Variants in GRM6 observed in about 807,000 individuals in gnomAD.
The protein encoded by GRM6 is glutamate metabotropic receptor 6, also known as metabotropic glutamate receptor 6.
In GRM6, 73 loss-of-function variants were observed where a neutral mutation model predicts 78.4. The ratio of observed to expected loss-of-function variants is 0.93; its 90% CI spans 0.77 to 1.13. GRM6 has a LOEUF of 1.13. GRM6 is among the 50% of genes most tolerant of loss of function. The pLI, the probability that GRM6 is intolerant of heterozygous loss-of-function variation, is 0.00. For missense variants in GRM6, 1,251 were observed against 1,256.4 expected (o/e 1.00, Z 0.07); for synonymous variants, 580 against 555.0 (o/e 1.05, Z -0.63).
rs1352067722 is a variant in GRM6, at chr5:178,986,553, G to A, written c.1701C>T (p.Asn567=). ...ACPGDMRPTP[N]HTGCRPTPVV... ...CAGGTGTGGGGCGGCAGCCCGTGTG[G>A]TTGGGCGTGGGCCTCATGTCCCCAG... is the stretch of plus-strand genomic sequence containing the variant. The change falls in exon 9 of 11, where the codon AAC becomes AAT. Residue 567 remains asparagine, a synonymous_variant. Transcript: ENST00000517717. 6.2e-7 allele frequency: 1 copy of A among 1,607,816 alleles called. No individual in the cohort carries two copies. The highest frequency in any genetic ancestry group is 2.2e-5 in the East Asian group (1 of 44,822).
At chr5:178,989,593 A>C (rs111521386) in intron 5 of GRM6, among the ~76,000 whole-genome samples, 188 bp from the exon 6 acceptor site, 10 of 151,378 alleles carry the variant, frequency 6.6e-5, no homozygotes, top group African/African-American at 9.7e-5. Flanking sequence ...GTGAGCTAGG[A>C]GTGGCCAGGT....
Position 178,981,491 on chromosome 5 carries a change from C to A in GRM6, c.*166G>T, listed in dbSNP as rs781681703. ...CTCACATGCTGGAATCGGGGTAGAGCTGGGTCCAGTTCCTTCTCAAGGCCA... is the reference window on the plus strand; with the variant it reads ...CTCACATGCTGGAATCGGGGTAGAGATGGGTCCAGTTCCTTCTCAAGGCCA... On this transcript the variant is annotated 3_prime_UTR_variant, in exon 11 of 11. Transcript: ENST00000517717. This position sits in a 1 kb window ranked among gnomAD's most constrained non-coding sequence, Gnocchi z 5.1. The A allele has an allele frequency of 1.6e-6, 1 of 606,378 alleles. No individual in the cohort carries two copies. Among genetic ancestry groups the A allele is most frequent in the South Asian group, 2.0e-5 (1 of 50,510 alleles). 37.6% of individuals were successfully genotyped at this position (606,378 alleles called of 1,614,324 possible).
chr5:178,990,596 G>A lies in GRM6; in HGVS notation c.1008C>T (p.Ile336=), dbSNP rs138201914. The A allele has an allele frequency of 7.4e-6, 12 of 1,612,362 alleles. No homozygotes were observed. Among genetic ancestry groups the A allele is most frequent in the South Asian group, 4.4e-5 (4 of 91,020 alleles). The change falls in exon 5 of 11, where the codon ATC becomes ATT. Residue 336 remains isoleucine, a synonymous_variant. Coordinates refer to ENST00000517717, the MANE Select transcript of GRM6 (RefSeq NM_000843.4). ...ATGGAGTGCCCCTGGACTCACCGTC[G>A]ATGGAGGCCCTTTTGGGCAGGATGG... ...AITILPKRAS[I]DGFDQYFMTR... is the part of the protein sequence containing the mutation.
At chr5:178,994,352 AG>A (rs1390328321) in intron 2 of GRM6, 88 bp downstream of exon 2, 3 of 1,161,788 alleles carry the variant, frequency 2.6e-6, no homozygotes, top group Non-Finnish European at 3.5e-6. Flanking sequence ...AGACTCTTTC[AG>A]AAGAAGTAAA....
At chr5:178,994,319 G>T in intron 2 of GRM6, 122 bp downstream of exon 2, 1 of 830,796 alleles carries the variant, frequency 1.2e-6, no homozygotes, top group Non-Finnish European at 1.7e-6. Flanking sequence ...TTGACGCTGT[G>T]TGAATTCGAG....
intron 7 of GRM6, chr5:178,987,351 CT>C: frequency 2.1e-6 from 1 of 478,104 alleles, no homozygotes; most frequent in Non-Finnish European, 4.1e-6. Flanking sequence ...GCAAGAAATG[CT>C]TGTACAGCCA....
intron 7 of GRM6, among the ~76,000 whole-genome samples, chr5:178,987,636 C>T (rs1581895704): frequency 1.3e-5 from 2 of 152,054 alleles, no homozygotes; most frequent in East Asian, 1.9e-4. Context: ...CGTGGAATGG[C>T]GGTTGCAGGT....
intron 10 of GRM6, 167 bp downstream of exon 10, chr5:178,982,743 A>T: frequency 1.6e-6 from 1 of 626,510 alleles, no homozygotes; most frequent in Non-Finnish European, 2.9e-6. Context: ...AGGGGTTAGA[A>T]GCTTGGAAAA....
At position 178,986,139 on chromosome 5, in the gene GRM6, G is replaced by A; in HGVS notation, c.2115C>T (p.Thr705=). 1.2e-6 allele frequency: 2 copies of A among 1,613,624 alleles called. No homozygotes were observed. The highest frequency in any genetic ancestry group is 1.7e-6 in the Non-Finnish European group (2 of 1,179,772). The change falls in exon 9 of 11, where the codon ACC becomes ACT. Residue 705 remains threonine, a synonymous_variant. Coordinates refer to ENST00000517717, the MANE Select transcript of GRM6 (RefSeq NM_000843.4). ...GAGCCTACGGACCCACCTGCAGGGAGGTGAGGCTGAAGGTGATGACCAGCT... is the reference window on the plus strand; with the variant it reads ...GAGCCTACGGACCCACCTGCAGGGAAGTGAGGCTGAAGGTGATGACCAGCT... ...TSQLVITFSL[T]SLQVVGMIAW...
Position 178,981,258 on chromosome 5 carries a change from C to A in GRM6, c.*399G>T, listed in dbSNP as rs939215830. The A allele has an allele frequency of 1.3e-5, 3 of 227,004 alleles. No individual in the cohort carries two copies. The highest frequency in any genetic ancestry group is 1.5e-4 in the South Asian group (2 of 13,620). 14.1% of individuals were successfully genotyped at this position (227,004 alleles called of 1,614,324 possible). A position where few individuals can be genotyped will look rare whatever the true frequency, so the allele number is the denominator to read the frequency against. Reference sequence around the variant, plus strand: ...CCCATGTTTCATTCTGGGGTCTACACGTTCTTCCACACTGCCCAATCCCCA... The same window carrying A: ...CCCATGTTTCATTCTGGGGTCTACAAGTTCTTCCACACTGCCCAATCCCCA... On this transcript the variant is annotated 3_prime_UTR_variant, in exon 11 of 11. Transcript: ENST00000517717. The surrounding 1 kb of genome is among the most constrained non-coding windows in gnomAD (Gnocchi z 5.1).
chr5:178,984,239 C>T (rs540169782), intron 9 of GRM6, among the ~76,000 whole-genome samples: 4 of 152,080 alleles, frequency 2.6e-5, no homozygotes, highest in Admixed American at 2.6e-4. Flanking sequence ...ACAGCGGTAA[C>T]CACCAAAACG....
At chr5:178,990,443 G>A (rs917810848) in intron 5 of GRM6, 149 bp downstream of exon 5, 12 of 741,944 alleles carry the variant, frequency 1.6e-5, no homozygotes, top group African/African-American at 8.6e-5. Flanking sequence ...GGAGGGACGC[G>A]TCCACAGATG....
In GRM6 at chr5:178,990,635, G is replaced by A. The variant is rs777884872; in HGVS notation, c.969C>T (p.Ala323=). ...TSPILSLEDV[A]VGAITILPKR... ...TGGGCAGGATGGTGATGGCCCCAAC[G>A]GCCACGTCCTCCAGGCTCAAGATGG... Residue 323 remains alanine (A), a synonymous_variant, in exon 5 of 11, where the codon GCC becomes GCT. Transcript: ENST00000517717. 7.4e-6 allele frequency: 12 copies of A among 1,612,638 alleles called. No individual in the cohort carries two copies. Among genetic ancestry groups the A allele is most frequent in the Middle Eastern group, 1.7e-4 (1 of 6,028 alleles).
chr5:178,981,602 C>T lies in GRM6; in HGVS notation c.*55G>A, dbSNP rs146197944. The stretch of plus-strand genomic sequence containing the variant: ...CCCGGGCTCTATACAGCTTCCACCT[C>T]GAGGCAAGAGGAAGAAAGGAGAGGC... On this transcript the variant is annotated 3_prime_UTR_variant, in exon 11 of 11. Transcript: ENST00000517717. This position sits in a 1 kb window ranked among gnomAD's most constrained non-coding sequence, Gnocchi z 5.1. The T allele has an allele frequency of 1.7e-4, 237 of 1,399,816 alleles. No homozygotes were observed. Among genetic ancestry groups the T allele is most frequent in the Non-Finnish European group, 2.3e-4 (224 of 988,254 alleles). 86.7% of individuals were successfully genotyped at this position (1,399,816 alleles called of 1,614,324 possible). A position where few individuals can be genotyped will look rare whatever the true frequency, so the allele number is the denominator to read the frequency against.
chr5:178,985,316 C>T (rs75574758), intron 9 of GRM6: 119 of 454,286 alleles, frequency 2.6e-4, no homozygotes, highest in East Asian at 9.2e-4. Flanking sequence ...CTGACTGCCC[C>T]GTTTTCCTTC....
At position 178,980,253 on chromosome 5, in the gene GRM6, A is replaced by C. The variant is rs1760364778; in HGVS notation, c.*1404T>G. On this transcript the variant is annotated 3_prime_UTR_variant, in exon 11 of 11. Transcript: ENST00000517717. This position sits in a 1 kb window ranked among gnomAD's most constrained non-coding sequence, Gnocchi z 4.3. ...GTATACTGATCTTAAACAGTGGTCAATTTAACAAATGTAAATTCTACTCCC... is the reference window on the plus strand; with the variant it reads ...GTATACTGATCTTAAACAGTGGTCACTTTAACAAATGTAAATTCTACTCCC... 6.5e-6 allele frequency: 1 copy of C among 154,416 alleles called. No individual in the cohort carries two copies. Among genetic ancestry groups the C allele is most frequent in the African/African-American group, 2.4e-5 (1 of 41,538 alleles). 9.6% of individuals were successfully genotyped at this position (154,416 alleles called of 1,614,324 possible).
Position 178,981,777 on chromosome 5 carries a change from G to T in GRM6, c.2514C>A (p.Pro838=). ...ASVSLGMLYV[P]KTYVILFHPE... is the part of the protein sequence containing the mutation. ...GATGGAAGAGGATGACGTAGGTTTT[G>T]GGTACGTAGAGCATGCCGAGGGACA... The change falls in exon 11 of 11, where the codon CCC becomes CCA. Residue 838 remains proline, a synonymous_variant. Coordinates refer to ENST00000517717, the MANE Select transcript of GRM6 (RefSeq NM_000843.4). This position sits in a 1 kb window ranked among gnomAD's most constrained non-coding sequence, Gnocchi z 5.1. 14 of 1,612,766 alleles carry T rather than the reference G, an allele frequency of 8.7e-6. No individual in the cohort carries two copies. The highest frequency in any genetic ancestry group is 1.2e-5 in the Non-Finnish European group (14 of 1,178,732).
In GRM6 at chr5:178,982,576, C is replaced by CAAAAAAA. The variant is rs70997654; in HGVS notation, c.2436+327_2436+333dup. 9.4e-4 allele frequency among the ~76,000 whole-genome samples: 19 copies of CAAAAAAA among 20,184 alleles called. 3 individuals are homozygous for CAAAAAAA. The highest frequency in any genetic ancestry group is 1.5e-3 in the East Asian group (1 of 678). 13.2% of individuals were successfully genotyped at this position (20,184 alleles called of 152,430 possible). ...TGGGCAACAGAGTGAGACTCTGTCT[C>CAAAAAAA]AAAAAAAAAAAAAAAAAAAAAAAAA... is the stretch of plus-strand genomic sequence containing the variant. On this transcript the variant is annotated intron_variant, in intron 10 of 10. Coordinates refer to ENST00000517717, the MANE Select transcript of GRM6 (RefSeq NM_000843.4).
In GRM6 at chr5:178,994,881, C is replaced by A; in HGVS notation, c.64G>T (p.Ala22Ser). 1 of 1,205,600 alleles carries A rather than the reference C, an allele frequency of 8.3e-7. No homozygotes were observed. Among genetic ancestry groups the A allele is most frequent in the Non-Finnish European group, 1.0e-6 (1 of 969,248 alleles). 74.7% of individuals were successfully genotyped at this position (1,205,600 alleles called of 1,614,324 possible). A position where few individuals can be genotyped will look rare whatever the true frequency, so the allele number is the denominator to read the frequency against. Residue 22 changes from alanine to serine, a missense_variant, in exon 2 of 11, where the codon GCG becomes TCG. Physicochemically the swap from Ala to Ser is moderately conservative, Grantham distance 99 (BLOSUM62 1). Coordinates refer to ENST00000517717, the MANE Select transcript of GRM6 (RefSeq NM_000843.4). ...LVALLPLAWLAQAGLARAAGS... is the reference protein window; with the variant it reads ...LVALLPLAWLSQAGLARAAGS... The stretch of plus-strand genomic sequence containing the variant: ...GCCGCGCGCGCCAGGCCCGCCTGCG[C>A]CAGCCACGCCAGCGGCAGCAGCGCC...
Sources: allele counts gnomAD v4.1 joint callset (sites outside exome capture counted in the v4.1 genomes callset), GRCh38; gene constraint gnomAD v4.1.1; non-coding constraint Gnocchi (gnomAD v3.1); transcripts MANE v1.5; gene names NCBI Gene and HGNC (gene_info 2026-07-23, HGNC 2026-07-21).